Variants in ARID1B observed in about 807,000 individuals in gnomAD.
ARID1B encodes the protein AT-rich interaction domain 1B.
In ARID1B, 30 loss-of-function variants were observed where a neutral mutation model predicts 212.3. The observed-to-expected ratio is 0.14, with a 90% CI of 0.11 to 0.19. ARID1B has a LOEUF of 0.19. Ranked by LOEUF, ARID1B falls within the 10% of genes least tolerant of loss-of-function variation. ARID1B has a pLI of 1.00. For missense variants in ARID1B, 2,891 were observed against 3,204.0 expected (o/e 0.90, Z 2.36); for synonymous variants, 1,402 against 1,301.7 (o/e 1.08, Z -1.66).
At chr6:157,099,523 T>G (rs1785913899) in intron 5 of ARID1B, among the ~76,000 whole-genome samples, 1 of 152,136 alleles carries the variant, frequency 6.6e-6, no homozygotes, top group African/African-American at 2.4e-5. Context: ...ATTGTGTAGT[T>G]TTAGTATGTT....
intron 13 of ARID1B, among the ~76,000 whole-genome samples, 177 bp from the exon 14 acceptor site, chr6:157,189,465 A>T (rs1333423690): frequency 1.3e-5 from 2 of 152,266 alleles, no homozygotes; most frequent in African/African-American, 2.4e-5. Flanking sequence ...TACTGTAAAC[A>T]ATAGAAAAGC....
intron 4 of ARID1B, among the ~76,000 whole-genome samples, chr6:157,030,593 T>G (rs1780960654): frequency 6.6e-6 from 1 of 152,194 alleles, no homozygotes. Context: ...TTAGAGAACA[T>G]AATTGGAAAT....
intron 2 of ARID1B, among the ~76,000 whole-genome samples, chr6:156,886,485 AC>A (rs775401259): frequency 9.2e-5 from 14 of 151,946 alleles, no homozygotes; most frequent in Middle Eastern, 6.3e-3. Context: ...CCCATGCCTT[AC>A]CCCGTACTGC....
chr6:156,982,908 A>C (rs998025071), intron 4 of ARID1B, among the ~76,000 whole-genome samples: 1 of 152,118 alleles, frequency 6.6e-6, no homozygotes, highest in African/African-American at 2.4e-5. Context: ...CAAAAGTGTG[A>C]GAATCTTTGT....
chr6:157,010,302 T>TTTGTTG (rs1448473162), intron 4 of ARID1B, among the ~76,000 whole-genome samples: 58 of 120,870 alleles, frequency 4.8e-4, no homozygotes, highest in South Asian at 1.0e-3. Context: ...TTTTTTTTTT[T>TTTGTTG]TTGTTGTTGT....
chr6:156,966,381 C>CTTTTTT (rs1249420315), intron 4 of ARID1B, among the ~76,000 whole-genome samples: 6 of 89,436 alleles, frequency 6.7e-5, no homozygotes, highest in African/African-American at 1.5e-4. Flanking sequence ...CTTTTCTTTT[C>CTTTTTT]TTTTCTTTTT....
chr6:156,865,328 C>G (rs1785605630), intron 2 of ARID1B, among the ~76,000 whole-genome samples: 1 of 152,164 alleles, frequency 6.6e-6, no homozygotes, highest in Non-Finnish European at 1.5e-5. Context: ...ATTTTACCCT[C>G]ATGCATGACT....
Position 157,203,046 on chromosome 6 carries a change from T to C in ARID1B, c.5264-820T>C. On this transcript the variant is annotated intron_variant, in intron 18 of 19. Transcript: ENST00000636930. The surrounding 1 kb of genome is among the most constrained non-coding windows in gnomAD (Gnocchi z 4.4). Reference sequence around the variant, plus strand: ...TTATTGTAAAAACAGTATGTAGCTATCTTAGAAAATTTTAAAACAGATAAA... The same window carrying C: ...TTATTGTAAAAACAGTATGTAGCTACCTTAGAAAATTTTAAAACAGATAAA... 6.6e-6 allele frequency among the ~76,000 whole-genome samples: 1 copy of C among 152,306 alleles called. No individual in the cohort carries two copies. The highest frequency in any genetic ancestry group is 3.4e-3 in the Middle Eastern group (1 of 294).
chr6:156,804,867 C>CAAAAAAAAAA (rs61315445), intron 1 of ARID1B, among the ~76,000 whole-genome samples: 1 of 85,084 alleles, frequency 1.2e-5, no homozygotes, highest in Non-Finnish European at 2.2e-5. Context: ...ATCTGATTGG[C>CAAAAAAAAAA]AAAAAAAAAA....
At chr6:156,799,074 G>C (rs1329908682) in intron 1 of ARID1B, among the ~76,000 whole-genome samples, 1 of 152,136 alleles carries the variant, frequency 6.6e-6, no homozygotes, top group East Asian at 1.9e-4. Context: ...CCCATCTCAA[G>C]TCTCAAGTAT....
chr6:157,186,526 C>G (rs1792988619), intron 13 of ARID1B: 1 of 471,042 alleles, frequency 2.1e-6, no homozygotes, highest in African/African-American at 2.0e-5. Context: ...CTGCCACCCA[C>G]ACAGCAGGTG....
chr6:156,902,639 C>A (rs1159288520), intron 3 of ARID1B, among the ~76,000 whole-genome samples: 1 of 143,894 alleles, frequency 6.9e-6, no homozygotes, highest in Non-Finnish European at 1.5e-5. Context: ...TTTTTACATA[C>A]ATGTATTTAA....
At chr6:157,189,553 G>A in intron 13 of ARID1B, 89 bp from the exon 14 acceptor site, 2 of 1,378,348 alleles carry the variant, frequency 1.5e-6, no homozygotes, top group Non-Finnish European at 2.0e-6. Context: ...TTACATTTAT[G>A]TCTTTCATCT....
chr6:156,849,198 C>A (rs896831946), intron 2 of ARID1B, among the ~76,000 whole-genome samples: 2 of 152,188 alleles, frequency 1.3e-5, no homozygotes, highest in African/African-American at 4.8e-5. Context: ...TGCCTCGATT[C>A]TTCTGAAGGT....
intron 6 of ARID1B, among the ~76,000 whole-genome samples, chr6:157,124,991 G>A (rs1397710577): frequency 6.6e-6 from 1 of 152,122 alleles, no homozygotes; most frequent in Non-Finnish European, 1.5e-5. Flanking sequence ...GGATGTGCAG[G>A]GACTTGCAGG....
intron 2 of ARID1B, among the ~76,000 whole-genome samples, chr6:156,895,709 T>TA (rs1170122283): frequency 6.6e-6 from 1 of 151,724 alleles, no homozygotes; most frequent in Admixed American, 6.6e-5. Context: ...ACTTGTGTAA[T>TA]TACAGATACA....
chr6:156,902,735 C>CAAAA (rs869259426), intron 3 of ARID1B, among the ~76,000 whole-genome samples: 18 of 61,672 alleles, frequency 2.9e-4, no homozygotes, highest in South Asian at 1.2e-3. Context: ...GACTCTGTCT[C>CAAAA]AAAAAAAAAA....
chr6:157,078,284 A>T (rs1270821740), intron 4 of ARID1B, among the ~76,000 whole-genome samples: 1 of 152,184 alleles, frequency 6.6e-6, no homozygotes, highest in African/African-American at 2.4e-5. Context: ...TCGTGGCCAT[A>T]ATCATGAGCA....
intron 2 of ARID1B, among the ~76,000 whole-genome samples, chr6:156,895,737 C>T (rs979218991): frequency 8.7e-6 from 1 of 114,930 alleles, no homozygotes; most frequent in Non-Finnish European, 1.7e-5. Flanking sequence ...CAGGTGTATA[C>T]ACACACACAC....
Sources: gnomAD v4.1 joint callset for allele counts (sites outside exome capture counted in the v4.1 genomes callset) on GRCh38, gnomAD v4.1.1 for gene constraint, Gnocchi (gnomAD v3.1) non-coding constraint, MANE v1.5 for transcripts, NCBI Gene and HGNC (gene_info 2026-07-23, HGNC 2026-07-21) for gene names.